Variants in PDGFC observed in about 807,000 individuals in gnomAD.
The protein encoded by PDGFC is platelet-derived growth factor C.
PDGFC carries 12 observed loss-of-function variants against 35.5 expected under a neutral mutation model. The observed-to-expected ratio is 0.34, with a 90% confidence interval of 0.22 to 0.55. The LOEUF (loss-of-function observed/expected upper bound fraction) is 0.55. PDGFC is among the 20% of genes least tolerant of loss of function. The probability of loss-of-function intolerance (pLI) is 0.91; values close to 1 mark genes in which losing one functional copy is unlikely to be tolerated. For missense variants in PDGFC, 322 were observed against 412.4 expected, an observed-to-expected ratio of 0.78 and a Z score of 1.90; for synonymous variants, 159 against 148.8, an observed-to-expected ratio of 1.07 and a Z score of -0.50.
At chr4:156,880,738 G>A (rs1730221690) in intron 1 of PDGFC, among the ~76,000 whole-genome samples, 2 of 152,094 alleles carry the variant, frequency 1.3e-5, no homozygotes, top group African/African-American at 4.8e-5. Context: ...AAGATGTGGT[G>A]GAAATAAAAA....
chr4:156,835,994 G>A (rs765116452), intron 2 of PDGFC: 9 of 152,068 alleles, frequency 5.9e-5, no homozygotes, highest in Non-Finnish European at 8.8e-5. Context: ...CATAAACCTC[G>A]GTGTACTGAT....
chr4:156,967,010 C>G (rs1451382402), intron 1 of PDGFC, among the ~76,000 whole-genome samples: 1 of 149,756 alleles, frequency 6.7e-6, no homozygotes, highest in African/African-American at 2.4e-5. Context: ...AGCAGAGAAC[C>G]AGGAGGAAGT....
intron 1 of PDGFC, among the ~76,000 whole-genome samples, chr4:156,917,345 T>C (rs1481147303): frequency 6.6e-6 from 1 of 152,230 alleles, no homozygotes; most frequent in African/African-American, 2.4e-5. Flanking sequence ...TTCATAGTTC[T>C]ATGGGAAATT....
At chr4:156,941,548 A>G (rs1228314505) in intron 1 of PDGFC, among the ~76,000 whole-genome samples, 1 of 152,198 alleles carries the variant, frequency 6.6e-6, no homozygotes, top group Non-Finnish European at 1.5e-5. Flanking sequence ...CAGTTTTAAA[A>G]TAATGTTATT....
At chr4:156,802,686 T>C (rs1731647300) in intron 3 of PDGFC, among the ~76,000 whole-genome samples, 1 of 152,046 alleles carries the variant, frequency 6.6e-6, no homozygotes, top group African/African-American at 2.4e-5. Flanking sequence ...TGGTAACCAG[T>C]ATTTATACTC....
rs138850178 is a variant in PDGFC at position 156,881,334 on chromosome 4, C to T, written c.119-30918G>A. ...TGTTTAGATATAATGCTACTGTATA[C>T]TGAATAGCCTATAGGGTGGTACAAA... On this transcript the variant is annotated intron_variant, in intron 1 of 5. Transcript: ENST00000502773. Among the ~76,000 whole-genome samples, 197 of 152,192 alleles carry T rather than the reference C, an allele frequency of 1.3e-3. 1 individual carries two copies. Among genetic ancestry groups the T allele is most frequent in the African/African-American group, 4.2e-3 (175 of 41,504 alleles).
At chr4:156,946,520 C>T (rs960186557) in intron 1 of PDGFC, among the ~76,000 whole-genome samples, 2 of 151,994 alleles carry the variant, frequency 1.3e-5, no homozygotes, top group Non-Finnish European at 2.9e-5. Context: ...AGAAATTATA[C>T]AGGATTTTAA....
intron 2 of PDGFC, among the ~76,000 whole-genome samples, chr4:156,834,877 G>A (rs1013864859): frequency 4.0e-5 from 6 of 151,750 alleles, no homozygotes; most frequent in African/African-American, 1.5e-4. Flanking sequence ...CCACTGCAAT[G>A]AGCAATTTTT....
chr4:156,824,349 C>CACACACACACAT (rs1553967655), intron 2 of PDGFC, among the ~76,000 whole-genome samples: 37 of 134,522 alleles, frequency 2.8e-4, no homozygotes, highest in African/African-American at 1.0e-3. Context: ...CACACACACA[C>CACACACACACAT]ATATACACAC....
chr4:156,768,104 A>C, intron 4 of PDGFC, 114 bp from the exon 5 acceptor site: 1 of 704,886 alleles, frequency 1.4e-6, no homozygotes, highest in Admixed American at 2.3e-5. Flanking sequence ...AACAATATCC[A>C]TAACAATATC....
intron 2 of PDGFC, among the ~76,000 whole-genome samples, chr4:156,845,935 GA>G (rs755276022): frequency 9.9e-5 from 15 of 151,618 alleles, no homozygotes; most frequent in Admixed American, 2.0e-4. Context: ...TGAGGAAACA[GA>G]AAAGCAAAGC....
chr4:156,789,735 G>A (rs1281054793), intron 3 of PDGFC, among the ~76,000 whole-genome samples: 5 of 152,134 alleles, frequency 3.3e-5, no homozygotes, highest in South Asian at 2.1e-4. Flanking sequence ...CCAGCACTTC[G>A]GGAGGCCGAG....
chr4:156,907,461 A>T (rs1730941044), intron 1 of PDGFC, among the ~76,000 whole-genome samples: 1 of 152,198 alleles, frequency 6.6e-6, no homozygotes, highest in Non-Finnish European at 1.5e-5. Flanking sequence ...TAAGGGTTTC[A>T]TCTCTTAAGA....
intron 2 of PDGFC, among the ~76,000 whole-genome samples, chr4:156,842,629 G>C (rs1482614909): frequency 6.6e-6 from 1 of 152,086 alleles, no homozygotes; most frequent in Non-Finnish European, 1.5e-5. Flanking sequence ...AAATCTCTCA[G>C]CTTAGTAGTC....
intron 1 of PDGFC, among the ~76,000 whole-genome samples, chr4:156,857,220 A>G (rs1729604024): frequency 6.6e-6 from 1 of 152,056 alleles, no homozygotes. Flanking sequence ...CTCAAATAGA[A>G]TAAGAGAGAA....
intron 1 of PDGFC, among the ~76,000 whole-genome samples, chr4:156,907,003 G>A (rs1730929818): frequency 6.6e-6 from 1 of 152,092 alleles, no homozygotes; most frequent in South Asian, 2.1e-4. Flanking sequence ...AGTCTTGCAG[G>A]AAGAAAATGT....
At chr4:156,903,101 G>GAC in intron 1 of PDGFC, among the ~76,000 whole-genome samples, 1 of 102,586 alleles carries the variant, frequency 9.7e-6, no homozygotes, top group Non-Finnish European at 1.9e-5. Flanking sequence ...GAGAGAGAGA[G>GAC]AGAGTGTGTG....
chr4:156,899,670 C>A (rs763437079), intron 1 of PDGFC, among the ~76,000 whole-genome samples: 2 of 152,014 alleles, frequency 1.3e-5, no homozygotes, highest in Admixed American at 1.3e-4. Flanking sequence ...CAAAAGTTAG[C>A]GGAGGTTGGT....
Position 156,850,380 on chromosome 4 carries a change from A to C in PDGFC, c.155T>G (p.Val52Gly). 6.2e-7 allele frequency: 1 copy of C among 1,602,878 alleles called. No individual in the cohort carries two copies. Among genetic ancestry groups the C allele is most frequent in the Non-Finnish European group, 8.5e-7 (1 of 1,173,776 alleles). ...GCTGTGAATACTTCCATTAGTAGAC[A>C]CAGTAATAATTCTCTCATGCTGAGG... ...QDPQHERIIT[V>G]STNGSIHSPR... Residue 52 changes from valine (V) to glycine (G), a missense_variant, in exon 2 of 6, where the codon GTG (valine) becomes GGG (glycine). Physicochemically the swap from Val to Gly is moderately radical, Grantham distance 109. This residue lies in a region of PDGFC where 120 missense variants were observed against 116.6 expected (regional missense o/e 1.03). Coordinates refer to ENST00000502773, the MANE Select transcript of PDGFC (RefSeq NM_016205.3).
Sources: allele counts gnomAD v4.1 joint callset (sites outside exome capture counted in the v4.1 genomes callset), GRCh38; gene constraint gnomAD v4.1.1; regional missense constraint gnomAD v4.1.1; transcripts MANE v1.5; gene names NCBI Gene and HGNC (gene_info 2026-07-23, HGNC 2026-07-21).